The following RIT2 variants were observed in gnomAD, a reference collection of about 807,000 sequenced individuals.
The protein encoded by RIT2 is GTP-binding protein Rit2.
RIT2 carries 24 observed loss-of-function variants against 23.7 expected under a neutral mutation model. That is an observed-to-expected ratio of 1.01 (90% CI 0.73 to 1.43). The LOEUF is 1.43. RIT2 is among the 40% of genes most tolerant of loss of function. RIT2 has a pLI of 0.00. For missense variants in RIT2, 236 were observed against 266.9 expected (o/e 0.88, Z 0.81); for synonymous variants, 107 against 91.1 (o/e 1.17, Z -0.99).
chr18:42,797,176 C>G (rs1414263438), intron 4 of RIT2, among the ~76,000 whole-genome samples: 1 of 152,100 alleles, frequency 6.6e-6, no homozygotes, highest in Non-Finnish European at 1.5e-5. Flanking sequence ...CTTTAGCTTA[C>G]TTTGTAGGAG....
At chr18:42,983,060 A>C (rs959669985) in intron 2 of RIT2, among the ~76,000 whole-genome samples, 29 of 152,090 alleles carry the variant, frequency 1.9e-4, no homozygotes, top group Non-Finnish European at 4.1e-4. Flanking sequence ...AGGAATTTTG[A>C]AAAGGAAAAA....
intron 1 of RIT2, among the ~76,000 whole-genome samples, chr18:43,064,191 A>C (rs2144326660): frequency 6.6e-6 from 1 of 152,322 alleles, no homozygotes; most frequent in African/African-American, 2.4e-5. Flanking sequence ...GTTGAAGGAA[A>C]GTAAATTAAG....
intron 2 of RIT2, among the ~76,000 whole-genome samples, chr18:43,008,172 C>G (rs972195301): frequency 1.3e-5 from 2 of 151,512 alleles, no homozygotes; most frequent in Non-Finnish European, 3.0e-5. Flanking sequence ...CAATGGATAA[C>G]AGTAGAGAGC....
At chr18:43,058,160 A>G (rs796849409) in intron 1 of RIT2, among the ~76,000 whole-genome samples, 15 of 152,256 alleles carry the variant, frequency 9.9e-5, no homozygotes, top group African/African-American at 3.4e-4. Context: ...CTTGGTTGTA[A>G]CTGTTGATAG....
chr18:42,929,059 T>TATATATATATATATA lies in RIT2; in HGVS notation c.235-5297_235-5296insTATATATATATATAT, dbSNP rs1307173363. On this transcript the variant is annotated intron_variant, in intron 3 of 4. Coordinates refer to ENST00000326695, the MANE Select transcript of RIT2 (RefSeq NM_002930.4). The stretch of plus-strand genomic sequence containing the variant: ...GATATATATATATATATATATATAT[T>TATATATATATATATA]TATATGAGACAAATAAAAATTAGAG... Among the ~76,000 whole-genome samples, 494 of 50,034 alleles carry TATATATATATATATA rather than the reference T, an allele frequency of 9.9e-3. 11 individuals are homozygous for TATATATATATATATA. The highest frequency in any genetic ancestry group is 0.028 in the African/African-American group (461 of 16,312). The allele number at this position is 50,034 out of a possible 152,430, so 32.8% of individuals were successfully genotyped here. A position where few individuals can be genotyped will look rare whatever the true frequency, so the allele number is the denominator to read the frequency against.
At chr18:42,750,116 C>T (rs1288527117) in intron 4 of RIT2, among the ~76,000 whole-genome samples, 3 of 151,734 alleles carry the variant, frequency 2.0e-5, no homozygotes, top group Non-Finnish European at 4.4e-5. Flanking sequence ...ACCTAAGGAA[C>T]ATTGTTAGTA....
chr18:43,058,881 C>A (rs933975258), intron 1 of RIT2, among the ~76,000 whole-genome samples: 1 of 151,950 alleles, frequency 6.6e-6, no homozygotes, highest in Admixed American at 6.6e-5. Flanking sequence ...CAGAGTGAGA[C>A]CCTGTCTCAA....
At chr18:42,835,990 G>A (rs1041117546) in intron 4 of RIT2, among the ~76,000 whole-genome samples, 2 of 152,090 alleles carry the variant, frequency 1.3e-5, no homozygotes, top group African/African-American at 4.8e-5. Context: ...TGGAAAGTGG[G>A]AAATGAGGTA....
intron 4 of RIT2, among the ~76,000 whole-genome samples, chr18:42,822,533 T>C (rs1351492856): frequency 6.6e-6 from 1 of 152,110 alleles, no homozygotes; most frequent in Non-Finnish European, 1.5e-5. Flanking sequence ...ACAATATTAA[T>C]AGACACCAGA....
intron 4 of RIT2, among the ~76,000 whole-genome samples, chr18:42,825,948 T>C (rs1316295318): frequency 1.3e-5 from 2 of 151,970 alleles, no homozygotes; most frequent in Non-Finnish European, 1.5e-5. Context: ...ATAATTTTCA[T>C]CTGGTGGAAT....
intron 4 of RIT2, among the ~76,000 whole-genome samples, chr18:42,791,955 T>C (rs1468249478): frequency 6.6e-6 from 1 of 152,118 alleles, no homozygotes; most frequent in Non-Finnish European, 1.5e-5. Context: ...TCATAAGGAT[T>C]TTGGCAGACT....
intron 1 of RIT2, among the ~76,000 whole-genome samples, chr18:43,101,235 A>G (rs1323281326): frequency 1.3e-5 from 2 of 152,080 alleles, no homozygotes; most frequent in South Asian, 2.1e-4. Flanking sequence ...TTGCTAAACC[A>G]TCTGATCAAG....
At chr18:42,777,347 C>T (rs911079061) in intron 4 of RIT2, among the ~76,000 whole-genome samples, 1 of 150,786 alleles carries the variant, frequency 6.6e-6, no homozygotes, top group Non-Finnish European at 1.5e-5. Flanking sequence ...GATTCAACAG[C>T]ATATAGATGG....
At chr18:42,889,393 T>C (rs980245633) in intron 4 of RIT2, among the ~76,000 whole-genome samples, 2 of 152,044 alleles carry the variant, frequency 1.3e-5, no homozygotes, top group African/African-American at 2.4e-5. Flanking sequence ...CCACCTTAGA[T>C]GAATTATATT....
At chr18:42,768,571 GAAAGT>G (rs2143911649) in intron 4 of RIT2, among the ~76,000 whole-genome samples, 1 of 152,300 alleles carries the variant, frequency 6.6e-6, no homozygotes, top group Non-Finnish European at 1.5e-5. Context: ...AATTGTGAAA[GAAAGT>G]AGAGATTTAA....
intron 2 of RIT2, among the ~76,000 whole-genome samples, chr18:43,017,536 T>A (rs1386494149): frequency 1.3e-5 from 2 of 152,048 alleles, no homozygotes; most frequent in African/African-American, 2.4e-5. Flanking sequence ...ACTAAATATT[T>A]CATTGGTTAT....
intron 1 of RIT2, among the ~76,000 whole-genome samples, chr18:43,038,995 T>C (rs1169185392): frequency 1.3e-5 from 2 of 152,170 alleles, no homozygotes; most frequent in East Asian, 3.9e-4. Context: ...CAACAGAATC[T>C]TTAGTTTTCT....
chr18:42,928,018 A>G (rs761120995), intron 3 of RIT2, among the ~76,000 whole-genome samples: 2 of 152,016 alleles, frequency 1.3e-5, no homozygotes, highest in Non-Finnish European at 2.9e-5. Flanking sequence ...TTCAAAAAGC[A>G]CTAGCACTAT....
chr18:42,794,654 T>G, intron 4 of RIT2, among the ~76,000 whole-genome samples: 1 of 152,226 alleles, frequency 6.6e-6, no homozygotes, highest in East Asian at 1.9e-4. Context: ...CATGGATGTC[T>G]GTGCAAACAG....
Sources: gnomAD v4.1 joint callset for allele counts (sites outside exome capture counted in the v4.1 genomes callset) on GRCh38, gnomAD v4.1.1 for gene constraint, MANE v1.5 for transcripts, NCBI Gene and HGNC (gene_info 2026-07-23, HGNC 2026-07-21) for gene names.